SH3GL3: variants seen among roughly 807,000 people sequenced by gnomAD.
The protein encoded by SH3GL3 is SH3 domain containing GRB2 like 3, endophilin A3.
A neutral mutation model predicts 47.7 loss-of-function variants in SH3GL3; 33 were observed. That is an observed-to-expected ratio of 0.69 (90% CI 0.52 to 0.92). The LOEUF is 0.92. SH3GL3 is among the 40% of genes least tolerant of loss of function. The pLI, the probability that SH3GL3 is intolerant of heterozygous loss-of-function variation, is 0.00. For missense variants in SH3GL3, 363 were observed against 417.8 expected (o/e 0.87, Z 1.14); for synonymous variants, 155 against 148.8 (o/e 1.04, Z -0.30).
chr15:83,560,080 TG>T, intron 2 of SH3GL3, among the ~76,000 whole-genome samples: 1 of 152,324 alleles, frequency 6.6e-6, no homozygotes, highest in African/African-American at 2.4e-5. Flanking sequence ...GCTCATTGTC[TG>T]GGCCCTTTAA....
chr15:83,504,923 T>G (rs1346535407), intron 1 of SH3GL3, among the ~76,000 whole-genome samples: 1 of 152,218 alleles, frequency 6.6e-6, no homozygotes, highest in Non-Finnish European at 1.5e-5. Context: ...ATCATTACAA[T>G]TTTACCACCA....
the SH3GL3 span, among the ~76,000 whole-genome samples, chr15:83,623,975 C>T: frequency 5.3e-5 from 8 of 152,116 alleles, no homozygotes; most frequent in South Asian, 4.1e-4. Flanking sequence ...TTAGTGGAGA[C>T]GGGGTTTCAC....
At chr15:83,611,532 C>T (rs957899617) in intron 8 of SH3GL3, 5 of 151,880 alleles carry the variant, frequency 3.3e-5, no homozygotes, top group Admixed American at 6.6e-5. Context: ...TCAAGGACAC[C>T]GAGATCCACA....
chr15:83,480,114 G>A (rs543153774), intron 1 of SH3GL3, among the ~76,000 whole-genome samples: 2 of 152,146 alleles, frequency 1.3e-5, no homozygotes, highest in East Asian at 1.9e-4. Context: ...GTTTCTTTGG[G>A]CATCAGATTA....
chr15:83,616,791 C>A (rs2060831291), intron 8 of SH3GL3, among the ~76,000 whole-genome samples: 1 of 149,554 alleles, frequency 6.7e-6, no homozygotes, highest in South Asian at 2.1e-4. Flanking sequence ...TCGAGAAAAA[C>A]AGGGAGGGAG....
At chr15:83,572,167 C>A (rs1212084864) in intron 4 of SH3GL3, among the ~76,000 whole-genome samples, 1 of 152,178 alleles carries the variant, frequency 6.6e-6, no homozygotes, top group Non-Finnish European at 1.5e-5. Context: ...GTAATTTTTA[C>A]TGGTTAACAC....
intron 3 of SH3GL3, 109 bp from the exon 4 acceptor site, chr15:83,568,420 G>C: frequency 1.3e-6 from 1 of 749,260 alleles, no homozygotes. Context: ...CAGGTCTCTG[G>C]CATTTTGTTT....
intron 1 of SH3GL3, among the ~76,000 whole-genome samples, chr15:83,460,147 C>T (rs1304870395): frequency 6.8e-6 from 1 of 146,158 alleles, no homozygotes; most frequent in East Asian, 2.0e-4. Flanking sequence ...GTCACCCAGG[C>T]TGGAGTGCAG....
chr15:83,476,442 T>A (rs2151544870), intron 1 of SH3GL3, among the ~76,000 whole-genome samples: 1 of 152,368 alleles, frequency 6.6e-6, no homozygotes, highest in South Asian at 2.1e-4. Context: ...TGGAGCCAGA[T>A]GTCACCTGTT....
Position 83,587,006 on chromosome 15 carries a change from T to C in SH3GL3, c.648T>C (p.Ala216=), listed in dbSNP as rs17158793. The change falls in exon 7 of 9, where the codon GCT becomes GCC. Residue 216 remains alanine, a synonymous_variant. Transcript: ENST00000427482. ...AGGTAGAACAAGTCAGCCAGTTGGC[T>C]GTGTTCATAGAGGCAGCATTAGACT... The part of the protein sequence containing the change: ...ENDVEQVSQL[A]VFIEAALDYH... The C allele has an allele frequency of 0.072, 116,005 of 1,606,276 alleles. 5,247 individuals are homozygous for C. Among genetic ancestry groups the C allele is most frequent in the Admixed American group, 0.21 (12,417 of 59,332 alleles).
At chr15:83,576,861 G>A (rs955855327) in intron 6 of SH3GL3, 120 bp downstream of exon 6, 19 of 562,566 alleles carry the variant, frequency 3.4e-5, no homozygotes, top group Admixed American at 9.8e-5. Context: ...GGCTTCCCTG[G>A]GCCACACATA....
At chr15:83,558,826 C>T (rs2045098309) in intron 1 of SH3GL3, among the ~76,000 whole-genome samples, 2 of 152,332 alleles carry the variant, frequency 1.3e-5, no homozygotes, top group South Asian at 4.1e-4. Context: ...TCTCAAAGTC[C>T]ATTCTGTGCA....
chr15:83,561,280 A>T (rs1291941563), intron 2 of SH3GL3, among the ~76,000 whole-genome samples: 1 of 152,184 alleles, frequency 6.6e-6, no homozygotes, highest in South Asian at 2.1e-4. Context: ...TCCATAGAAC[A>T]TAAGAATTAT....
rs576854567 is a variant in SH3GL3, at chr15:83,483,203, A to G, written c.45+35625A>G. Among the ~76,000 whole-genome samples, 23 of 152,330 alleles carry G rather than the reference A, an allele frequency of 1.5e-4. 1 individual carries two copies. In the South Asian group the frequency reaches 4.8e-3, roughly 32 times the overall value. On this transcript the variant is annotated intron_variant, in intron 1 of 8. Coordinates refer to ENST00000427482, the MANE Select transcript of SH3GL3 (RefSeq NM_003027.5). ...GATATAGTCTGTTGTCAGCCCAGAC[A>G]GGGTGAGAAGGGAGAGCTTCAGATT...
At chr15:83,600,001 G>A (rs1004003356) in intron 8 of SH3GL3, among the ~76,000 whole-genome samples, 2 of 151,260 alleles carry the variant, frequency 1.3e-5, no homozygotes, top group African/African-American at 4.9e-5. Flanking sequence ...TTTGAGAATT[G>A]TCTATTCATG....
At chr15:83,589,499 T>A (rs1439353705) in intron 8 of SH3GL3, among the ~76,000 whole-genome samples, 2 of 152,096 alleles carry the variant, frequency 1.3e-5, no homozygotes, top group Non-Finnish European at 2.9e-5. Context: ...GCCTCAGCCT[T>A]CCATGTAGCT....
In SH3GL3 at chr15:83,532,345, G is replaced by T. The variant is rs554316847; in HGVS notation, c.46-26908G>T. Among the ~76,000 whole-genome samples, 6 of 152,280 alleles carry T rather than the reference G, an allele frequency of 3.9e-5. No individual in the cohort carries two copies. The South Asian group carries it at 8.3e-4, about 21-fold the overall frequency. On this transcript the variant is annotated intron_variant, in intron 1 of 8. Transcript: ENST00000427482. ...GGTAATAGACAAAATCATCCCAGGA[G>T]ATTATTTAGGGCAAACATGATAGAA... is the stretch of plus-strand genomic sequence containing the variant.
chr15:83,591,848 G>T (rs1047285946), intron 8 of SH3GL3, among the ~76,000 whole-genome samples: 2 of 152,064 alleles, frequency 1.3e-5, no homozygotes, highest in African/African-American at 4.8e-5. Flanking sequence ...ACCGTGCCTG[G>T]CTAATTTTTT....
chr15:83,450,846 G>A (rs942147925), intron 1 of SH3GL3, among the ~76,000 whole-genome samples: 4 of 92,684 alleles, frequency 4.3e-5, no homozygotes, highest in Non-Finnish European at 7.8e-5. Flanking sequence ...GGGTACATGT[G>A]CACATTGTGC....
Sources: gnomAD v4.1 joint callset for allele counts (sites outside exome capture counted in the v4.1 genomes callset) on GRCh38, gnomAD v4.1.1 for gene constraint, MANE v1.5 for transcripts, NCBI Gene and HGNC (gene_info 2026-07-23, HGNC 2026-07-21) for gene names.